The following SNX24 variants were observed in gnomAD, a reference collection of about 807,000 sequenced individuals.
The protein encoded by SNX24 is sorting nexin-24.
A neutral mutation model predicts 28.7 loss-of-function variants in SNX24; 22 were observed. The observed-to-expected ratio is 0.77, with a 90% CI of 0.55 to 1.10. SNX24 has a LOEUF of 1.10. SNX24 is among the 50% of genes least tolerant of loss of function. The pLI is 0.00. For synonymous variants in SNX24, 69 were observed against 71.5 expected, an observed-to-expected ratio of 0.96 and a Z score of 0.18; for missense variants, 221 against 201.1, an observed-to-expected ratio of 1.10 and a Z score of -0.60.
intron 3 of SNX24, among the ~76,000 whole-genome samples, chr5:122,956,271 AT>A (rs1158376586): frequency 3.3e-5 from 5 of 151,646 alleles, no homozygotes; most frequent in Non-Finnish European, 7.4e-5. Context: ...CCCAGGCCTG[AT>A]TTGGAACACA....
intron 3 of SNX24, among the ~76,000 whole-genome samples, chr5:122,954,589 C>T (rs530084735): frequency 1.3e-5 from 2 of 150,654 alleles, no homozygotes; most frequent in East Asian, 1.9e-4. Context: ...TCTTTACTTT[C>T]CTCTTGAACA....
chr5:123,009,302 C>T (rs1161401161), downstream of SNX24: 1 of 739,274 alleles, frequency 1.4e-6, no homozygotes, highest in African/African-American at 1.9e-5. Flanking sequence ...CAAAACCTCT[C>T]ACACATTCAC....
intron 5 of SNX24, among the ~76,000 whole-genome samples, chr5:123,017,550 G>A (rs1380619659): frequency 1.3e-5 from 2 of 151,864 alleles, no homozygotes; most frequent in Non-Finnish European, 2.9e-5. Flanking sequence ...CTAAATTTGA[G>A]CATATTCTTT....
intron 1 of SNX24, among the ~76,000 whole-genome samples, chr5:122,920,570 C>T (rs149095074): frequency 2.0e-5 from 3 of 152,226 alleles, no homozygotes; most frequent in East Asian, 1.9e-4. Flanking sequence ...ATATACATGA[C>T]AAAGCAATAC....
chr5:122,873,591 A>C (rs1756081443), intron 1 of SNX24, among the ~76,000 whole-genome samples: 1 of 151,986 alleles, frequency 6.6e-6, no homozygotes, highest in African/African-American at 2.4e-5. Context: ...GTGGAGTGTG[A>C]GGCACAATTT....
intron 3 of SNX24, chr5:122,998,443 C>G (rs1331968612): frequency 6.6e-6 from 1 of 152,182 alleles, no homozygotes; most frequent in Non-Finnish European, 1.5e-5. Context: ...GTCCCAGTGC[C>G]TAACATAATA....
intron 1 of SNX24, among the ~76,000 whole-genome samples, chr5:122,875,995 C>A (rs1167786182): frequency 2.0e-5 from 3 of 152,200 alleles, no homozygotes; most frequent in Non-Finnish European, 4.4e-5. Context: ...CAGGTGTCCG[C>A]CACCACGTCT....
intron 3 of SNX24, among the ~76,000 whole-genome samples, chr5:122,968,983 G>A (rs1760834670): frequency 6.6e-6 from 1 of 151,806 alleles, no homozygotes; most frequent in Non-Finnish European, 1.5e-5. Context: ...AAATATGTTA[G>A]GGTTCTTTTA....
intron 3 of SNX24, among the ~76,000 whole-genome samples, chr5:122,989,154 TTA>T (rs994261607): frequency 9.2e-5 from 14 of 152,182 alleles, no homozygotes; most frequent in African/African-American, 3.4e-4. Flanking sequence ...CAGTATGGGT[TTA>T]TGTGTTCTAC....
chr5:122,969,029 A>G (rs1760836344), intron 3 of SNX24, among the ~76,000 whole-genome samples: 1 of 152,160 alleles, frequency 6.6e-6, no homozygotes, highest in South Asian at 2.1e-4. Flanking sequence ...CGTTTGGAAA[A>G]TACTGGTCTA....
intron 1 of SNX24, among the ~76,000 whole-genome samples, chr5:122,850,625 G>A (rs1172785970): frequency 2.0e-5 from 3 of 152,072 alleles, no homozygotes; most frequent in Non-Finnish European, 2.9e-5. Flanking sequence ...TGACTACCGT[G>A]GGTGCAGGTA....
In SNX24 at chr5:122,999,902, G is replaced by C; in HGVS notation, c.250-10G>C. On this transcript the variant is annotated splice_polypyrimidine_tract_variant and intron_variant, in intron 3 of 6. Transcript: ENST00000261369. ...ACTTCAGTTTCGAATTCTGTTTTCT[G>C]CTTTCACAGGCTGTCATTTTAGAAA... The C allele has an allele frequency of 6.4e-7, 1 of 1,562,818 alleles. No homozygotes were observed. The highest frequency in any genetic ancestry group is 8.8e-7 in the Non-Finnish European group (1 of 1,133,550).
At chr5:122,971,587 A>G (rs1476394709) in intron 3 of SNX24, among the ~76,000 whole-genome samples, 4 of 152,234 alleles carry the variant, frequency 2.6e-5, no homozygotes, top group African/African-American at 7.2e-5. Flanking sequence ...GAAGCTCACT[A>G]ATCTTAACCT....
At chr5:122,937,568 C>T (rs1484831642) in intron 2 of SNX24, among the ~76,000 whole-genome samples, 1 of 152,016 alleles carries the variant, frequency 6.6e-6, no homozygotes, top group Admixed American at 6.5e-5. Context: ...ATGAAATTGC[C>T]CAGAAAAATC....
At chr5:122,898,335 C>A (rs1757291332) in intron 1 of SNX24, among the ~76,000 whole-genome samples, 1 of 152,210 alleles carries the variant, frequency 6.6e-6, no homozygotes, top group Non-Finnish European at 1.5e-5. Flanking sequence ...GTCTGCAAGA[C>A]ATGATACAGA....
rs370677103 is a variant in SNX24 at position 122,989,196 on chromosome 5, A to C, written c.250-10716A>C. Among the ~76,000 whole-genome samples the C allele has an allele frequency of 2.0e-5, 3 of 152,342 alleles. No individual in the cohort carries two copies. The South Asian group carries it at 6.2e-4, about 32-fold the overall frequency. On this transcript the variant is annotated intron_variant, in intron 3 of 6. Transcript: ENST00000261369. ...GATAAAAAGCCAAATCCAAGGACTT[A>C]ACTAAAAGTGAGTTTTAACCTTAAG...
At chr5:122,902,975 G>A (rs558869031) in intron 1 of SNX24, among the ~76,000 whole-genome samples, 176 of 152,064 alleles carry the variant, frequency 1.2e-3, no homozygotes, top group Non-Finnish European at 2.2e-3. Flanking sequence ...GGCCTGAGAC[G>A]TCCCCAGCCT....
At chr5:122,866,164 T>C (rs891964947) in intron 1 of SNX24, among the ~76,000 whole-genome samples, 1 of 152,210 alleles carries the variant, frequency 6.6e-6, no homozygotes, top group African/African-American at 2.4e-5. Flanking sequence ...TATGAATGAA[T>C]GAATAACAAG....
At chr5:122,920,769 T>C (rs761752066) in intron 1 of SNX24, among the ~76,000 whole-genome samples, 2 of 152,228 alleles carry the variant, frequency 1.3e-5, no homozygotes, top group Non-Finnish European at 2.9e-5. Flanking sequence ...TTTTTCTCAT[T>C]ATAGAATGTT....
Sources: allele counts gnomAD v4.1 joint callset (sites outside exome capture counted in the v4.1 genomes callset), GRCh38; gene constraint gnomAD v4.1.1; transcripts MANE v1.5; gene names NCBI Gene and HGNC (gene_info 2026-07-23, HGNC 2026-07-21).